CDK13: variants seen among roughly 807,000 people sequenced by gnomAD.
CDK13 encodes the protein cyclin-dependent kinase 13.
A neutral mutation model predicts 137.6 loss-of-function variants in CDK13; 40 were observed. That is an observed-to-expected ratio of 0.29 (90% CI 0.23 to 0.38). The LOEUF (loss-of-function observed/expected upper bound fraction) is 0.38, where lower values mean the gene tolerates loss of function less well. Ranked by LOEUF, CDK13 falls within the 10% of genes least tolerant of loss-of-function variation. The pLI, the probability that CDK13 is intolerant of heterozygous loss-of-function variation, is 1.00. For missense variants in CDK13, 1,704 were observed against 1,951.8 expected, an observed-to-expected ratio of 0.87 and a Z score of 2.39; for synonymous variants, 869 against 760.1, an observed-to-expected ratio of 1.14 and a Z score of -2.36.
At position 40,094,966 on chromosome 7, in the gene CDK13, G is replaced by T. The variant is rs1787014557; in HGVS notation, c.4525G>T (p.Gly1509Trp). The T allele has an allele frequency of 7.1e-7, 1 of 1,417,094 alleles. No individual in the cohort carries two copies. The highest frequency in any genetic ancestry group is 1.4e-5 in the African/African-American group (1 of 69,138). The allele number at this position is 1,417,094 out of a possible 1,614,324, so 87.8% of individuals were successfully genotyped here. ...ATCAACTGGCAGAGGCAGAGGCAGA[G>T]GGTTACCATACTGAGTATCTGTTTT... ...STSTGRGRGR[G>W]LPY The change falls in exon 14 of 14, where the codon GGG (glycine) becomes TGG (tryptophan). Residue 1509 changes from glycine to tryptophan, a missense_variant. Physicochemically the swap from Gly to Trp is radical, Grantham distance 184 (BLOSUM62 -2). Coordinates refer to ENST00000181839, the MANE Select transcript of CDK13 (RefSeq NM_003718.5).
chr7:39,982,037 T>C (rs1264384244), intron 1 of CDK13, among the ~76,000 whole-genome samples: 15 of 151,286 alleles, frequency 9.9e-5, no homozygotes, highest in Admixed American at 9.2e-4. Context: ...TATTATACTT[T>C]AAGTTTTAGG....
In CDK13 at chr7:39,951,637, T is replaced by A; in HGVS notation, c.996T>A (p.Ser332=). 6.8e-7 allele frequency: 1 copy of A among 1,479,958 alleles called. No individual in the cohort carries two copies. The highest frequency in any genetic ancestry group is 8.9e-7 in the Non-Finnish European group (1 of 1,119,596). 91.7% of individuals were successfully genotyped at this position (1,479,958 alleles called of 1,614,324 possible). The part of the protein sequence containing the change: ...RDDSPVSHRA[S]QSLRSRKSPS... ...ACAGCCCGGTGTCCCACAGGGCCTC[T>A]CAGAGCCTGAGGAGCCGCAAGTCCC... The change falls in exon 1 of 14, where the codon TCT becomes TCA. Residue 332 remains serine (S), a synonymous_variant. Transcript: ENST00000181839.
Position 40,092,641 on chromosome 7 carries a change from G to A in CDK13, c.3236-144G>A, listed in dbSNP as rs1278704381. ...TTTAAATGTACATGATATTTAACTA[G>A]ACTTGAGGTTCTCTTTTTACAGTAT... On this transcript the variant is annotated intron_variant, in intron 12 of 13. Coordinates refer to ENST00000181839, the MANE Select transcript of CDK13 (RefSeq NM_003718.5). 3 of 622,140 alleles carry A rather than the reference G, an allele frequency of 4.8e-6. No individual in the cohort carries two copies. In the African/African-American group the frequency reaches 5.5e-5, roughly 11 times the overall value. The allele number at this position is 622,140 out of a possible 1,614,324, so 38.5% of individuals were successfully genotyped here. A position where few individuals can be genotyped will look rare whatever the true frequency, so the allele number is the denominator to read the frequency against.
chr7:39,959,878 C>T (rs1262437575), intron 1 of CDK13, among the ~76,000 whole-genome samples: 37 of 124,126 alleles, frequency 3.0e-4, no homozygotes, highest in Admixed American at 2.5e-3. Flanking sequence ...AAGTATTTTT[C>T]GTGAGCTTGT....
Position 39,970,797 on chromosome 7 carries a change from T to C in CDK13, c.1212-16802T>C, listed in dbSNP as rs534000034. Among the ~76,000 whole-genome samples, 96 of 152,332 alleles carry C rather than the reference T, an allele frequency of 6.3e-4. 1 individual carries two copies. The South Asian group carries it at 0.02, about 31-fold the overall frequency. ...GTTTTATGTCTGTTTGCATGGTGTA[T>C]GTGTGTTAAATACAGACATAAAATT... On this transcript the variant is annotated intron_variant, in intron 1 of 13. Transcript: ENST00000181839.
chr7:40,065,263 A>G (rs973319950), intron 9 of CDK13, among the ~76,000 whole-genome samples: 2 of 152,124 alleles, frequency 1.3e-5, no homozygotes, highest in Non-Finnish European at 2.9e-5. Context: ...GAATAAAACT[A>G]GAAATTAATA....
At chr7:40,002,194 A>T in intron 5 of CDK13, 163 bp downstream of exon 5, 1 of 499,424 alleles carries the variant, frequency 2.0e-6, no homozygotes, top group Non-Finnish European at 3.5e-6. Flanking sequence ...GAATTGATTT[A>T]CTTTAGTGGT....
intron 1 of CDK13, among the ~76,000 whole-genome samples, chr7:39,967,910 A>T (rs1783907881): frequency 1.3e-5 from 2 of 151,932 alleles, no homozygotes; most frequent in Middle Eastern, 3.4e-3. Flanking sequence ...AAAAATTGAG[A>T]TGGGATCTTG....
At chr7:40,089,036 G>A (rs1303268472) in intron 12 of CDK13, among the ~76,000 whole-genome samples, 5 of 151,424 alleles carry the variant, frequency 3.3e-5, no homozygotes, top group Non-Finnish European at 7.4e-5. Flanking sequence ...CCGAGATTGC[G>A]CCACTGCACT....
Position 40,071,609 on chromosome 7 carries a change from G to A in CDK13, c.2781-6396G>A, listed in dbSNP as rs918992449. ...TTTGAATGGATCTTTTATCTGTGAT[G>A]ATTTTGTGATATTATGCATTGGTCA... On this transcript the variant is annotated intron_variant, in intron 9 of 13. Coordinates refer to ENST00000181839, the MANE Select transcript of CDK13 (RefSeq NM_003718.5). The A allele has an allele frequency of 1.1e-4, 17 of 152,258 alleles. No homozygotes were observed. The South Asian group carries it at 3.5e-3, about 32-fold the overall frequency. 9.4% of individuals were successfully genotyped at this position (152,258 alleles called of 1,614,324 possible).
chr7:39,979,379 T>C (rs532484728), intron 1 of CDK13, among the ~76,000 whole-genome samples: 1 of 151,908 alleles, frequency 6.6e-6, no homozygotes, highest in East Asian at 1.9e-4. Flanking sequence ...ACCACACCCG[T>C]CTGATTTTGT....
At chr7:40,020,620 A>G (rs983993490) in intron 5 of CDK13, among the ~76,000 whole-genome samples, 12 of 152,136 alleles carry the variant, frequency 7.9e-5, no homozygotes, top group Non-Finnish European at 1.2e-4. Flanking sequence ...TCCAACTCTT[A>G]TAACAGACAC....
At chr7:39,999,257 A>G (rs1784633244) in intron 3 of CDK13, 104 bp from the exon 4 acceptor site, 1 of 908,610 alleles carries the variant, frequency 1.1e-6, no homozygotes, top group South Asian at 2.0e-5. Context: ...AGGGTAGGGA[A>G]AAATAAAGAA....
chr7:40,035,907 A>G (rs1038596754), intron 5 of CDK13, among the ~76,000 whole-genome samples: 12 of 151,860 alleles, frequency 7.9e-5, no homozygotes, highest in African/African-American at 2.9e-4. Flanking sequence ...TCCACCCGTA[A>G]TCCAGCACTT....
At chr7:40,019,521 G>A (rs1785069218) in intron 5 of CDK13, among the ~76,000 whole-genome samples, 1 of 152,084 alleles carries the variant, frequency 6.6e-6, no homozygotes, top group South Asian at 2.1e-4. Context: ...TTCCTTTTTG[G>A]TGGACCTCAT....
At chr7:40,075,011 C>T (rs1786513471) in intron 9 of CDK13, among the ~76,000 whole-genome samples, 1 of 151,966 alleles carries the variant, frequency 6.6e-6, no homozygotes, top group Admixed American at 6.5e-5. Context: ...CGGTTGAATC[C>T]TAGCAGGATT....
At chr7:40,078,517 T>C in intron 10 of CDK13, 1 of 286,420 alleles carries the variant, frequency 3.5e-6, no homozygotes, top group Non-Finnish European at 6.3e-6. Context: ...ACAAAAATTA[T>C]GTAAAAATGA....
At chr7:39,966,854 C>T (rs201819931) in intron 1 of CDK13, among the ~76,000 whole-genome samples, 1 of 152,088 alleles carries the variant, frequency 6.6e-6, no homozygotes, top group East Asian at 1.9e-4. Flanking sequence ...GCTGCAGGTC[C>T]GTTGGAGTTT....
chr7:40,093,687 C>G (rs1191053112), intron 13 of CDK13, among the ~76,000 whole-genome samples: 1 of 152,084 alleles, frequency 6.6e-6, no homozygotes, highest in African/African-American at 2.4e-5. Context: ...GGAAGATTGC[C>G]TGAACCCAGG....
Sources: allele counts gnomAD v4.1 joint callset (sites outside exome capture counted in the v4.1 genomes callset), GRCh38; gene constraint gnomAD v4.1.1; transcripts MANE v1.5; gene names NCBI Gene and HGNC (gene_info 2026-07-23, HGNC 2026-07-21).